Variants in CBX2 observed in about 807,000 individuals in gnomAD.
CBX2 encodes the protein chromobox 2, also known as chromobox protein homolog 2.
CBX2 carries 11 observed loss-of-function variants against 21.0 expected under a neutral mutation model. That is an observed-to-expected ratio of 0.52 (90% CI 0.33 to 0.87). The LOEUF is 0.87. CBX2 is among the 40% of genes least tolerant of loss of function. The pLI is 0.02. For missense variants in CBX2, 746 were observed against 724.3 expected (o/e 1.03, Z -0.34); for synonymous variants, 364 against 304.6 (o/e 1.19, Z -2.03).
At position 79,785,093 on chromosome 17, in the gene CBX2, T is replaced by C. The variant is rs1907545388; in HGVS notation, c.*51T>C. Reference sequence around the variant, plus strand: ...TCTTACTCCCCTTCCCTGCCTATGGTGTCGCTTGGCTAAGTGACTCCCAGC... The same window carrying C: ...TCTTACTCCCCTTCCCTGCCTATGGCGTCGCTTGGCTAAGTGACTCCCAGC... On this transcript the variant is annotated 3_prime_UTR_variant, in exon 5 of 5. Transcript: ENST00000310942. 6.7e-7 allele frequency: 1 copy of C among 1,500,056 alleles called. No homozygotes were observed. The highest frequency in any genetic ancestry group is 1.4e-5 in the African/African-American group (1 of 73,052). 92.9% of individuals were successfully genotyped at this position (1,500,056 alleles called of 1,614,324 possible).
At chr17:79,782,422 G>A (rs1156332777) in intron 4 of CBX2, 20 of 1,324,792 alleles carry the variant, frequency 1.5e-5, no homozygotes, top group Non-Finnish European at 1.8e-5. Context: ...GGGGTCCGTG[G>A]TAGGGCCCCT....
In CBX2 at chr17:79,785,268, A is replaced by G; in HGVS notation, c.*226A>G. 3.4e-6 allele frequency: 2 copies of G among 595,654 alleles called. No homozygotes were observed. Among genetic ancestry groups the G allele is most frequent in the Non-Finnish European group, 6.0e-6 (2 of 333,952 alleles). 36.9% of individuals were successfully genotyped at this position (595,654 alleles called of 1,614,324 possible). On this transcript the variant is annotated 3_prime_UTR_variant, in exon 5 of 5. Transcript: ENST00000310942. ...CCTTGTTGGTCTCCACCTTGTTCCT[A>G]CCTCTGCAGGCCTCTTTGCTCTCCC...
At chr17:79,782,522 C>A (rs1227938741) in intron 4 of CBX2, 10 of 1,166,930 alleles carry the variant, frequency 8.6e-6, no homozygotes, top group Middle Eastern at 3.9e-4. Context: ...CTCCTCCGGG[C>A]ACTGTCCCTG....
chr17:79,781,064 G>T (rs531962540), intron 3 of CBX2, among the ~76,000 whole-genome samples: 6 of 144,768 alleles, frequency 4.1e-5, no homozygotes, highest in East Asian at 3.9e-4. Flanking sequence ...CTGGGGGCGG[G>T]GGGGGTACTG....
rs1326058430 is a variant in CBX2, at chr17:79,778,697, C to T, written c.116+270C>T. Among the ~76,000 whole-genome samples the T allele has an allele frequency of 1.3e-5, 2 of 152,116 alleles. No homozygotes were observed. Among genetic ancestry groups the T allele is most frequent in the Non-Finnish European group, 2.9e-5 (2 of 67,988 alleles). On this transcript the variant is annotated intron_variant, in intron 2 of 4. Transcript: ENST00000310942. The surrounding 1 kb of genome is among the most constrained non-coding windows in gnomAD (Gnocchi z 4.8). ...GCCGCGCCGCGCTCCCCCCAACCCC[C>T]GTCCCGGCCGGGAGGGAGGCGCGGG... is the stretch of plus-strand genomic sequence containing the variant.
At chr17:79,782,867 T>C (rs1354088708) in intron 4 of CBX2, among the ~76,000 whole-genome samples, 1 of 152,176 alleles carries the variant, frequency 6.6e-6, no homozygotes, top group African/African-American at 2.4e-5. Context: ...GCAGGCAGCA[T>C]GGCGGCCTGT....
At position 79,778,915 on chromosome 17, in the gene CBX2, G is replaced by A. The variant is rs1208495730; in HGVS notation, c.117-447G>A. Among the ~76,000 whole-genome samples the A allele has an allele frequency of 6.6e-6, 1 of 151,882 alleles. No individual in the cohort carries two copies. The highest frequency in any genetic ancestry group is 1.5e-5 in the Non-Finnish European group (1 of 67,988). ...TCTTCCCGGACCCCGCTCTTTCTTC[G>A]CTACCCCTCGAGGTGCCCCGGCCCG... On this transcript the variant is annotated intron_variant, in intron 2 of 4. Transcript: ENST00000310942. This position sits in a 1 kb window ranked among gnomAD's most constrained non-coding sequence, Gnocchi z 4.8.
rs1368047794 is a variant in CBX2 at position 79,778,169 on chromosome 17, G to T, written c.-67G>T. 20 of 960,018 alleles carry T rather than the reference G, an allele frequency of 2.1e-5. No individual in the cohort carries two copies. Among genetic ancestry groups the T allele is most frequent in the African/African-American group, 7.0e-5 (4 of 56,792 alleles). The allele number at this position is 960,018 out of a possible 1,614,324, so 59.5% of individuals were successfully genotyped here. A position where few individuals can be genotyped will look rare whatever the true frequency, so the allele number is the denominator to read the frequency against. The stretch of plus-strand genomic sequence containing the variant: ...GGGCGGTGCTTTGTGTGCTGCCGGC[G>T]GGGCGCGCGGCGGTCCGGGCGGGTG... On this transcript the variant is annotated 5_prime_UTR_variant, in exon 1 of 5. Coordinates refer to ENST00000310942, the MANE Select transcript of CBX2 (RefSeq NM_005189.3). The surrounding 1 kb of genome is among the most constrained non-coding windows in gnomAD (Gnocchi z 4.8).
In CBX2 at chr17:79,786,196, C is replaced by A. The variant is rs1028763314; in HGVS notation, c.*1154C>A. On this transcript the variant is annotated 3_prime_UTR_variant, in exon 5 of 5. Coordinates refer to ENST00000310942, the MANE Select transcript of CBX2 (RefSeq NM_005189.3). ...CTTGGGTGTCCATGGGCCCGTCTGCCGGCTCTGCCTGTGCTGCAAGTGTTG... is the reference window on the plus strand; with the variant it reads ...CTTGGGTGTCCATGGGCCCGTCTGCAGGCTCTGCCTGTGCTGCAAGTGTTG... 5.2e-5 allele frequency: 8 copies of A among 152,704 alleles called. No individual in the cohort carries two copies. Among genetic ancestry groups the A allele is most frequent in the African/African-American group, 1.9e-4 (8 of 41,480 alleles). 9.5% of individuals were successfully genotyped at this position (152,704 alleles called of 1,614,324 possible).
rs782298979 is a variant in CBX2 at position 79,782,015 on chromosome 17, C to T, written c.288+214C>T. 4 of 1,614,110 alleles carry T rather than the reference C, an allele frequency of 2.5e-6. No individual in the cohort carries two copies. The Admixed American group carries it at 6.7e-5, about 27-fold the overall frequency. The stretch of plus-strand genomic sequence containing the variant: ...GGCTGAGAGTTCCTCCCCGCCCCTC[C>T]CAGGGGCTTCCTGCTTCAGCCTGTC... On this transcript the variant is annotated intron_variant, in intron 4 of 4. Transcript: ENST00000310942.
chr17:79,782,167 G>C, intron 4 of CBX2: 2 of 1,612,598 alleles, frequency 1.2e-6, no homozygotes, highest in South Asian at 1.1e-5. Context: ...TAGGATTGCC[G>C]GCTGGATGTG....
intron 3 of CBX2, 100 bp downstream of exon 3, chr17:79,779,527 G>A (rs1568499089): frequency 1.8e-6 from 2 of 1,092,550 alleles, no homozygotes; most frequent in Non-Finnish European, 2.8e-6. Context: ...TGGAGCTGGG[G>A]CTGTGGTCTG....
intron 4 of CBX2, chr17:79,782,398 A>G: frequency 1.5e-6 from 2 of 1,378,256 alleles, no homozygotes; most frequent in Non-Finnish European, 1.9e-6. Context: ...CGCCACAGGT[A>G]TGCATGCGCC....
upstream of CBX2, among the ~76,000 whole-genome samples, chr17:79,777,469 C>A (rs1161074690): frequency 7.2e-5 from 11 of 152,220 alleles, no homozygotes; most frequent in Admixed American, 7.2e-4. Flanking sequence ...GAACTCCGGG[C>A]AGTTCGTATT....
Position 79,784,162 on chromosome 17 carries a change from G to T in CBX2, c.719G>T (p.Gly240Val), listed in dbSNP as rs149701690. ...TPENLASLMK[G>V]MASSPGRGGI... ...GAGAACCTGGCCAGCCTAATGAAGG[G>T]CATGGCCAGTAGCCCCGGCCGGGGT... Residue 240 changes from glycine (G) to valine (V), a missense_variant, in exon 5 of 5, where the codon GGC becomes GTC. Physicochemically the swap from Gly to Val is moderately radical, Grantham distance 109 (BLOSUM62 -3). Transcript: ENST00000310942. This position sits in a 1 kb window ranked among gnomAD's most constrained non-coding sequence, Gnocchi z 5.9. 2 of 1,612,714 alleles carry T rather than the reference G, an allele frequency of 1.2e-6. No homozygotes were observed. The highest frequency in any genetic ancestry group is 8.5e-7 in the Non-Finnish European group (1 of 1,179,882).
At position 79,785,347 on chromosome 17, in the gene CBX2, C is replaced by G. The variant is rs529662537; in HGVS notation, c.*305C>G. 8.5e-5 allele frequency: 42 copies of G among 491,634 alleles called. 1 individual carries two copies. The South Asian group carries it at 8.8e-4, about 10-fold the overall frequency. The allele number at this position is 491,634 out of a possible 1,614,324, so 30.5% of individuals were successfully genotyped here. A position where few individuals can be genotyped will look rare whatever the true frequency, so the allele number is the denominator to read the frequency against. The stretch of plus-strand genomic sequence containing the variant: ...TGTGGCTCCAGGTGACTGTCTTGAA[C>G]AGAGCGGGCTTCTTCATGGCTGCGT... On this transcript the variant is annotated 3_prime_UTR_variant, in exon 5 of 5. Coordinates refer to ENST00000310942, the MANE Select transcript of CBX2 (RefSeq NM_005189.3).
At chr17:79,781,561 T>G in intron 3 of CBX2, 135 bp from the exon 4 acceptor site, 1 of 793,252 alleles carries the variant, frequency 1.3e-6, no homozygotes, top group South Asian at 1.4e-5. Context: ...CTTGGGTATT[T>G]GATGATGTGT....
rs1250406690 is a variant in CBX2 at position 79,778,560 on chromosome 17, GGGCTCCTCC to G, written c.116+139_116+147del. On this transcript the variant is annotated intron_variant, in intron 2 of 4. Coordinates refer to ENST00000310942, the MANE Select transcript of CBX2 (RefSeq NM_005189.3). The surrounding 1 kb of genome is among the most constrained non-coding windows in gnomAD (Gnocchi z 4.8). ...AGCGGGAAGTTCGCGGGGTCCCCGC[GGGCTCCTCC>G]GGCTCTGAGGGGGGCGGGGGCCGCC... is the stretch of plus-strand genomic sequence containing the variant. The G allele has an allele frequency of 6.0e-6, 3 of 498,322 alleles. No homozygotes were observed. Among genetic ancestry groups the G allele is most frequent in the Non-Finnish European group, 9.9e-6 (3 of 303,328 alleles). 30.9% of individuals were successfully genotyped at this position (498,322 alleles called of 1,614,324 possible).
chr17:79,782,261 G>A, intron 4 of CBX2: 1 of 1,560,514 alleles, frequency 6.4e-7, no homozygotes, highest in Non-Finnish European at 8.7e-7. Context: ...AGGCAGGGCT[G>A]ACTGAATAGC....
Sources: gnomAD v4.1 joint callset for allele counts (sites outside exome capture counted in the v4.1 genomes callset) on GRCh38, gnomAD v4.1.1 for gene constraint, Gnocchi (gnomAD v3.1) non-coding constraint, MANE v1.5 for transcripts, NCBI Gene and HGNC (gene_info 2026-07-23, HGNC 2026-07-21) for gene names.